SSH2: variants seen among roughly 807,000 people sequenced by gnomAD.
SSH2 encodes the protein protein phosphatase Slingshot homolog 2.
In SSH2, 37 loss-of-function variants were observed where a neutral mutation model predicts 135.2. That is an observed-to-expected ratio of 0.27 (90% CI 0.21 to 0.36). The LOEUF is 0.36. Among genes scored for constraint, SSH2 ranks in the 10% least tolerant of loss-of-function variants. SSH2 has a pLI of 1.00. For synonymous variants in SSH2, 628 were observed against 646.2 expected (o/e 0.97, Z 0.43); for missense variants, 1,408 against 1,765.3 (o/e 0.80, Z 3.63).
At chr17:29,723,054 C>G (rs972075571) in intron 3 of SSH2, among the ~76,000 whole-genome samples, 1 of 152,158 alleles carries the variant, frequency 6.6e-6, no homozygotes, top group Non-Finnish European at 1.5e-5. Context: ...GCCCATATGT[C>G]TCCACTTAAG....
At chr17:29,814,517 C>T (rs889893943) in intron 2 of SSH2, among the ~76,000 whole-genome samples, 1 of 149,282 alleles carries the variant, frequency 6.7e-6, no homozygotes, top group South Asian at 2.1e-4. Flanking sequence ...GAAAAATGGG[C>T]AATCTGTATC....
At chr17:29,820,311 AG>A (rs1240366303) in intron 2 of SSH2, among the ~76,000 whole-genome samples, 2 of 152,256 alleles carry the variant, frequency 1.3e-5, no homozygotes, top group African/African-American at 4.8e-5. Flanking sequence ...GTGTGAGCAA[AG>A]AAAGATCTGT....
At chr17:29,902,655 T>G (rs895194425) in intron 1 of SSH2, among the ~76,000 whole-genome samples, 11 of 152,114 alleles carry the variant, frequency 7.2e-5, no homozygotes, top group African/African-American at 2.7e-4. Flanking sequence ...TGAGAGTAAT[T>G]GGCTAAAAAT....
At chr17:29,912,593 T>C (rs1216211821) in intron 1 of SSH2, among the ~76,000 whole-genome samples, 1 of 151,984 alleles carries the variant, frequency 6.6e-6, no homozygotes, top group African/African-American at 2.4e-5. Flanking sequence ...CTGGGTATGA[T>C]GGTATGCAAC....
At chr17:29,634,419 A>G (rs1248058385) in intron 15 of SSH2, among the ~76,000 whole-genome samples, 1 of 152,214 alleles carries the variant, frequency 6.6e-6, no homozygotes, top group Non-Finnish European at 1.5e-5. Context: ...TCAAAATATG[A>G]GTATGAGTCT....
At chr17:29,917,360 A>G (rs1206962292) in intron 1 of SSH2, among the ~76,000 whole-genome samples, 1 of 152,182 alleles carries the variant, frequency 6.6e-6, no homozygotes, top group Non-Finnish European at 1.5e-5. Flanking sequence ...TCCCCTTTGG[A>G]ACTGATGTTT....
chr17:29,715,239 A>G lies in SSH2; in HGVS notation c.189-12177T>C, dbSNP rs1335193488. Among the ~76,000 whole-genome samples, 4 of 139,548 alleles carry G rather than the reference A, an allele frequency of 2.9e-5. No homozygotes were observed. In the South Asian group the frequency reaches 6.6e-4, roughly 23 times the overall value. 91.5% of individuals were successfully genotyped at this position (139,548 alleles called of 152,430 possible). On this transcript the variant is annotated intron_variant, in intron 3 of 15. Coordinates refer to ENST00000540801, the MANE Select transcript of SSH2 (RefSeq NM_001282129.2). ...CCTAACCAACCTAGTCCCATGTCCT[A>G]TTTCTTTCTTTCTTTTTTTTTTTTG...
intron 3 of SSH2, among the ~76,000 whole-genome samples, chr17:29,747,952 T>C (rs2040815444): frequency 6.6e-6 from 1 of 152,210 alleles, no homozygotes; most frequent in Non-Finnish European, 1.5e-5. Flanking sequence ...TGTTTATCAG[T>C]GTTAAGTCTA....
In SSH2 at chr17:29,923,199, C is replaced by A. The variant is rs547947728; in HGVS notation, c.63+6739G>T. ...TGCTGGGATTACAGGTGTGAGCCAC[C>A]GTGGCTGGCCTTAAAATTGTTTATA... is the stretch of plus-strand genomic sequence containing the variant. On this transcript the variant is annotated intron_variant, in intron 1 of 15. Transcript: ENST00000540801. Among the ~76,000 whole-genome samples the A allele has an allele frequency of 1.2e-4, 19 of 152,220 alleles. No homozygotes were observed. In the South Asian group the frequency reaches 3.7e-3, roughly 30 times the overall value.
Position 29,630,956 on chromosome 17 carries a change from G to A in SSH2, c.4238C>T (p.Ala1413Val). ...ACGGGGTGCCACGGCCAGCCCTGGA[G>A]CTGGGCATGCACACTGCAGTCCCTG... The part of the protein sequence containing the change: ...QTQGLQCACP[A>V]PGLAVAPRQQ... Residue 1413 changes from alanine (A) to valine (V), a missense_variant, in exon 16 of 16, where the codon GCT becomes GTT. Around this residue, in one of 3 missense-constraint regions of SSH2, gnomAD observed 1,080 missense variants for 1,144.5 expected, o/e 0.94. Coordinates refer to ENST00000540801, the MANE Select transcript of SSH2 (RefSeq NM_001282129.2). 1 of 1,611,304 alleles carries A rather than the reference G, an allele frequency of 6.2e-7. No homozygotes were observed. Among genetic ancestry groups the A allele is most frequent in the South Asian group, 1.1e-5 (1 of 91,040 alleles).
At chr17:29,810,352 T>C (rs2042420319) in intron 2 of SSH2, among the ~76,000 whole-genome samples, 1 of 152,228 alleles carries the variant, frequency 6.6e-6, no homozygotes, top group African/African-American at 2.4e-5. Context: ...ATAATAATCA[T>C]AAATTAGGGA....
At chr17:29,683,192 T>C (rs1015050840) in intron 6 of SSH2, among the ~76,000 whole-genome samples, 2 of 152,148 alleles carry the variant, frequency 1.3e-5, no homozygotes, top group Non-Finnish European at 2.9e-5. Context: ...AGTCAATGCT[T>C]TGAGACATCT....
At chr17:29,871,144 C>A (rs919736571) in intron 1 of SSH2, among the ~76,000 whole-genome samples, 1 of 151,314 alleles carries the variant, frequency 6.6e-6, no homozygotes, top group African/African-American at 2.4e-5. Context: ...TGAGAAGTCA[C>A]GGGATAGGTC....
intron 4 of SSH2, among the ~76,000 whole-genome samples, chr17:29,702,675 A>C (rs2039034737): frequency 6.6e-6 from 1 of 152,136 alleles, no homozygotes. Context: ...AACAAAACAA[A>C]ACAACCCCAA....
At chr17:29,684,982 A>G (rs1033669092) in intron 5 of SSH2, among the ~76,000 whole-genome samples, 1 of 152,244 alleles carries the variant, frequency 6.6e-6, no homozygotes, top group Admixed American at 6.5e-5. Flanking sequence ...GATGTTTGTT[A>G]TTAGTGCAAT....
chr17:29,844,082 T>A (rs1308327382), intron 2 of SSH2, among the ~76,000 whole-genome samples: 1 of 152,198 alleles, frequency 6.6e-6, no homozygotes, highest in Admixed American at 6.5e-5. Context: ...TTTTCTTTAA[T>A]AACACAAAAG....
chr17:29,873,122 C>G (rs1318829569), intron 1 of SSH2, among the ~76,000 whole-genome samples: 1 of 152,020 alleles, frequency 6.6e-6, no homozygotes, highest in African/African-American at 2.4e-5. Context: ...GTTAACAAGG[C>G]AAGCAAGCCA....
At chr17:29,818,901 C>CA (rs945534680) in intron 2 of SSH2, among the ~76,000 whole-genome samples, 85 of 137,692 alleles carry the variant, frequency 6.2e-4, no homozygotes, top group Non-Finnish European at 7.1e-4. Context: ...CACATCTCTA[C>CA]AAAAAAAAAA....
chr17:29,667,053 A>G, intron 10 of SSH2, 58 bp from the exon 11 acceptor site: 1 of 1,611,282 alleles, frequency 6.2e-7, no homozygotes, highest in African/African-American at 1.3e-5. Context: ...ACTTTCAACC[A>G]TGCACTATTT....
Sources: allele counts gnomAD v4.1 joint callset (sites outside exome capture counted in the v4.1 genomes callset), GRCh38; gene constraint gnomAD v4.1.1; regional missense constraint gnomAD v4.1.1; transcripts MANE v1.5; gene names NCBI Gene and HGNC (gene_info 2026-07-23, HGNC 2026-07-21).